PIK3C2G: variants seen among roughly 807,000 people sequenced by gnomAD.
PIK3C2G encodes phosphatidylinositol 3-kinase C2 domain-containing subunit gamma.
In PIK3C2G, 168 loss-of-function variants were observed where a neutral mutation model predicts 181.1. That is an observed-to-expected ratio of 0.93 (90% CI 0.82 to 1.05). The LOEUF (loss-of-function observed/expected upper bound fraction) is 1.05, where lower values mean the gene tolerates loss of function less well. PIK3C2G is among the 50% of genes least tolerant of loss of function. PIK3C2G has a pLI of 0.00. For synonymous variants in PIK3C2G, 573 were observed against 592.2 expected (o/e 0.97, Z 0.47); for missense variants, 1,869 against 1,732.8 (o/e 1.08, Z -1.40).
intron 26 of PIK3C2G, among the ~76,000 whole-genome samples, chr12:18,550,039 T>C (rs1944642682): frequency 6.6e-6 from 1 of 152,038 alleles, no homozygotes; most frequent in Non-Finnish European, 1.5e-5. Flanking sequence ...TACATACCTT[T>C]ATTTTTAGAC....
intron 15 of PIK3C2G, among the ~76,000 whole-genome samples, chr12:18,391,494 G>A (rs1943529963): frequency 6.6e-6 from 1 of 152,118 alleles, no homozygotes; most frequent in South Asian, 2.1e-4. Context: ...AAGTTATTCA[G>A]TTCAAAATAA....
intron 24 of PIK3C2G, among the ~76,000 whole-genome samples, chr12:18,533,425 C>A (rs1471200950): frequency 6.6e-6 from 1 of 151,580 alleles, no homozygotes; most frequent in African/African-American, 2.4e-5. Context: ...ATTTTTTTTT[C>A]TCTGAAATAT....
chr12:18,409,547 TTAAAAAA>T (rs1944737735), intron 16 of PIK3C2G, among the ~76,000 whole-genome samples: 1 of 151,734 alleles, frequency 6.6e-6, no homozygotes, highest in Admixed American at 6.6e-5. Flanking sequence ...AAAGTATAAT[TTAAAAAA>T]TAAAAAATAA....
intron 10 of PIK3C2G, among the ~76,000 whole-genome samples, chr12:18,344,365 G>C (rs780663823): frequency 6.6e-6 from 1 of 151,982 alleles, no homozygotes; most frequent in African/African-American, 2.4e-5. Context: ...GAACTCCCCC[G>C]TCTCACATCA....
At chr12:18,418,005 C>G (rs1191584630) in intron 16 of PIK3C2G, among the ~76,000 whole-genome samples, 1 of 152,096 alleles carries the variant, frequency 6.6e-6, no homozygotes, top group Non-Finnish European at 1.5e-5. Flanking sequence ...ATAAAATTGA[C>G]TTTATAGTAG....
chr12:18,609,658 T>G (rs370413917), intron 31 of PIK3C2G, 29 bp downstream of exon 31: 2 of 1,338,280 alleles, frequency 1.5e-6, no homozygotes, highest in African/African-American at 2.9e-5. Flanking sequence ...ATAAGAAACA[T>G]GTAAGCCTAC....
chr12:18,276,939 A>T (rs999576895), intron 1 of PIK3C2G, among the ~76,000 whole-genome samples: 1 of 152,200 alleles, frequency 6.6e-6, no homozygotes, highest in Non-Finnish European at 1.5e-5. Context: ...CTTCTATAAG[A>T]TTATAGGTGA....
At chr12:18,460,733 G>A (rs988612027) in intron 18 of PIK3C2G, among the ~76,000 whole-genome samples, 5 of 149,576 alleles carry the variant, frequency 3.3e-5, no homozygotes, top group Non-Finnish European at 5.9e-5. Context: ...ATTAGAAAAC[G>A]CAGATTAGCA....
the PIK3C2G span, among the ~76,000 whole-genome samples, chr12:18,666,599 C>T: frequency 6.6e-6 from 1 of 151,946 alleles, no homozygotes; most frequent in African/African-American, 2.4e-5. Flanking sequence ...AAGAAAGAAA[C>T]AGATAGTTCA....
intron 6 of PIK3C2G, among the ~76,000 whole-genome samples, 192 bp downstream of exon 6, chr12:18,314,256 A>G (rs1950764706): frequency 6.6e-6 from 1 of 152,198 alleles, no homozygotes; most frequent in Non-Finnish European, 1.5e-5. Context: ...AACTGATGCA[A>G]TAACATGAAC....
the PIK3C2G span, among the ~76,000 whole-genome samples, chr12:18,670,776 C>T: frequency 6.6e-6 from 1 of 152,212 alleles, no homozygotes; most frequent in African/African-American, 2.4e-5. Context: ...CTTTTCTCAC[C>T]AATTCCAGAA....
intron 31 of PIK3C2G, among the ~76,000 whole-genome samples, chr12:18,636,746 G>C (rs965195983): frequency 2.6e-5 from 4 of 152,140 alleles, no homozygotes; most frequent in African/African-American, 9.7e-5. Flanking sequence ...TGAGGATGTG[G>C]TGGGATTCAC....
the PIK3C2G span, chr12:18,692,874 G>C: frequency 6.2e-7 from 1 of 1,603,066 alleles, no homozygotes; most frequent in African/African-American, 1.3e-5. Flanking sequence ...ACCAACTACA[G>C]TGGGGAAAAA....
chr12:18,369,288 T>C (rs925274286), intron 12 of PIK3C2G, among the ~76,000 whole-genome samples: 1 of 152,158 alleles, frequency 6.6e-6, no homozygotes, highest in Non-Finnish European at 1.5e-5. Context: ...CATTCCTCTT[T>C]AGCATTCTCA....
At chr12:18,381,949 T>G in intron 14 of PIK3C2G, 69 bp downstream of exon 14, 1 of 931,694 alleles carries the variant, frequency 1.1e-6, no homozygotes, top group South Asian at 1.3e-5. Context: ...TGTTGTCAAT[T>G]ATAGAAACAA....
Position 18,371,222 on chromosome 12 carries a change from C to A in PIK3C2G, c.1791C>A (p.Ser597=), listed in dbSNP as rs1942036989. The change falls in exon 13 of 33, where the codon TCC becomes TCA. Residue 597 remains serine, a synonymous_variant. Transcript: ENST00000538779. ...AAATAAAGTCACTTCCAAGGGAATC[C>A]ATGCTCACTGTAAAACTGTTTGGGA... The part of the protein sequence containing the change: ...PLEIKSLPRE[S]MLTVKLFGIA... 7 of 1,611,364 alleles carry A rather than the reference C, an allele frequency of 4.3e-6. No homozygotes were observed. The highest frequency in any genetic ancestry group is 5.9e-6 in the Non-Finnish European group (7 of 1,178,392).
At chr12:18,595,274 A>T (rs2136498374) in intron 30 of PIK3C2G, among the ~76,000 whole-genome samples, 1 of 152,202 alleles carries the variant, frequency 6.6e-6, no homozygotes, top group Admixed American at 6.6e-5. Context: ...CAAGAAGCAC[A>T]ATATTTATTT....
intron 30 of PIK3C2G, among the ~76,000 whole-genome samples, chr12:18,608,855 C>T (rs1289326861): frequency 6.6e-6 from 1 of 152,040 alleles, no homozygotes; most frequent in Non-Finnish European, 1.5e-5. Flanking sequence ...AAGTTGTCGT[C>T]TGAAACTTAC....
chr12:18,498,103 A>G (rs1208574515), intron 22 of PIK3C2G, among the ~76,000 whole-genome samples: 1 of 151,844 alleles, frequency 6.6e-6, no homozygotes, highest in Non-Finnish European at 1.5e-5. Context: ...GTTACTTATT[A>G]ACACAAAATC....
Sources: gnomAD v4.1 joint callset for allele counts (sites outside exome capture counted in the v4.1 genomes callset) on GRCh38, gnomAD v4.1.1 for gene constraint, MANE v1.5 for transcripts, NCBI Gene and HGNC (gene_info 2026-07-23, HGNC 2026-07-21) for gene names.